Variants in FRMD4A observed in about 807,000 individuals in gnomAD.
The protein encoded by FRMD4A is FERM domain-containing protein 4A.
A neutral mutation model predicts 129.1 loss-of-function variants in FRMD4A; 29 were observed. The observed-to-expected ratio is 0.22, with a 90% CI of 0.17 to 0.31. FRMD4A has a LOEUF of 0.31. Ranked by LOEUF, FRMD4A falls within the 10% of genes least tolerant of loss-of-function variation. The pLI is 1.00. For synonymous variants in FRMD4A, 634 were observed against 571.6 expected (o/e 1.11, Z -1.56); for missense variants, 1,272 against 1,375.8 (o/e 0.92, Z 1.19).
chr10:14,052,369 A>C (rs2131688213), intron 2 of FRMD4A, among the ~76,000 whole-genome samples: 1 of 152,320 alleles, frequency 6.6e-6, no homozygotes, highest in African/African-American at 2.4e-5. Context: ...GGAGTACCTG[A>C]AGCTGGGTAA....
chr10:14,277,440 C>G (rs1845380753), intron 2 of FRMD4A, among the ~76,000 whole-genome samples: 1 of 152,164 alleles, frequency 6.6e-6, no homozygotes, highest in Admixed American at 6.5e-5. Context: ...CTGCCTCACC[C>G]CTTCCATCCT....
At position 13,809,963 on chromosome 10, in the gene FRMD4A, C is replaced by T. The variant is rs75518453; in HGVS notation, c.206+851G>A. Among the ~76,000 whole-genome samples, 494 of 152,340 alleles carry T rather than the reference C, an allele frequency of 3.2e-3. 5 individuals carry two copies. Among genetic ancestry groups the T allele is most frequent in the Admixed American group, 0.014 (220 of 15,300 alleles). The stretch of plus-strand genomic sequence containing the variant: ...CCCACCTGTTCTTGCTTCAGTGGCA[C>T]CACCTGATTCCCAGGGCCTCGGCTC... On this transcript the variant is annotated intron_variant, in intron 4 of 24. Transcript: ENST00000357447.
chr10:13,999,019 C>T (rs538605024), intron 2 of FRMD4A, among the ~76,000 whole-genome samples: 41 of 152,146 alleles, frequency 2.7e-4, no homozygotes, highest in Middle Eastern at 6.8e-3. Context: ...ACCCCCATCT[C>T]ACCCCTTCAC....
chr10:14,068,371 C>T (rs1440115901), intron 2 of FRMD4A, among the ~76,000 whole-genome samples: 1 of 152,118 alleles, frequency 6.6e-6, no homozygotes, highest in Non-Finnish European at 1.5e-5. Flanking sequence ...ATCAGATCCC[C>T]AATATATATT....
At chr10:13,729,178 A>G (rs1983885) in intron 12 of FRMD4A, among the ~76,000 whole-genome samples, 113,880 of 151,606 alleles carry the variant, frequency 0.75, 43,248 homozygotes, top group South Asian at 0.82. Context: ...GCGATCTGAA[A>G]GAATGATAAC....
chr10:13,886,874 A>G (rs1431202038), intron 2 of FRMD4A, among the ~76,000 whole-genome samples: 1 of 152,244 alleles, frequency 6.6e-6, no homozygotes, highest in African/African-American at 2.4e-5. Flanking sequence ...TAATGTAGTG[A>G]GTGTATGCAA....
intron 2 of FRMD4A, among the ~76,000 whole-genome samples, chr10:14,243,089 CAT>C (rs1844108389): frequency 1.3e-5 from 2 of 152,070 alleles, no homozygotes; most frequent in Non-Finnish European, 1.5e-5. Context: ...TACACACACA[CAT>C]GCTGGAATAT....
intron 3 of FRMD4A, 147 bp downstream of exon 3, chr10:13,858,700 C>T: frequency 1.5e-6 from 1 of 679,488 alleles, no homozygotes; most frequent in Non-Finnish European, 2.7e-6. Context: ...ACACAAAACA[C>T]CCTGGTGGGT....
chr10:14,298,176 GC>G (rs1589279731), intron 2 of FRMD4A, among the ~76,000 whole-genome samples: 1 of 152,094 alleles, frequency 6.6e-6, no homozygotes, highest in East Asian at 1.9e-4. Flanking sequence ...TTACTATCTG[GC>G]CCTTTGCAGA....
At chr10:14,324,828 T>C (rs1269756629) in intron 2 of FRMD4A, among the ~76,000 whole-genome samples, 1 of 152,110 alleles carries the variant, frequency 6.6e-6, no homozygotes, top group East Asian at 1.9e-4. Context: ...GCCTTGCTAA[T>C]TTTTGTATTT....
intron 8 of FRMD4A, among the ~76,000 whole-genome samples, chr10:13,750,045 A>AAAGGAAGGAAGGAAGG (rs60816536): frequency 1.7e-5 from 2 of 119,032 alleles, no homozygotes; most frequent in Admixed American, 9.3e-5. Flanking sequence ...GAGGGAAAGG[A>AAAGGAAGGAAGGAAGG]AAGGAAGGAA....
chr10:14,005,496 A>G (rs2095659071), intron 2 of FRMD4A, among the ~76,000 whole-genome samples: 1 of 152,226 alleles, frequency 6.6e-6, no homozygotes, highest in South Asian at 2.1e-4. Flanking sequence ...GCAGTTGGAT[A>G]CAGAAGCAAT....
Position 14,223,173 on chromosome 10 carries a change from C to T in FRMD4A, c.45+106885G>A, listed in dbSNP as rs1379544960. 2.0e-5 allele frequency among the ~76,000 whole-genome samples: 3 copies of T among 152,358 alleles called. No homozygotes were observed. In the East Asian group the frequency reaches 5.8e-4, roughly 29 times the overall value. On this transcript the variant is annotated intron_variant, in intron 2 of 24. Coordinates refer to ENST00000357447, the MANE Select transcript of FRMD4A (RefSeq NM_018027.5). ...AGTGATTCTCACCTCCCCTGAGATG[C>T]AGACTTCTAGGGTCCACATCTCCGG...
chr10:13,816,068 T>G (rs1310208178), intron 3 of FRMD4A, among the ~76,000 whole-genome samples: 1 of 152,228 alleles, frequency 6.6e-6, no homozygotes, highest in African/African-American at 2.4e-5. Context: ...AAATAAACTT[T>G]TTCAACAATT....
chr10:13,917,284 A>ATT (rs34360967), intron 2 of FRMD4A, among the ~76,000 whole-genome samples: 4,273 of 141,436 alleles, frequency 0.03, 122 homozygotes, highest in South Asian at 0.054. Flanking sequence ...TCCATCACAG[A>ATT]TTTTTTTTTT....
chr10:13,995,410 C>T (rs2095618898), intron 2 of FRMD4A, among the ~76,000 whole-genome samples: 1 of 152,168 alleles, frequency 6.6e-6, no homozygotes, highest in African/African-American at 2.4e-5. Flanking sequence ...CATAATGAAA[C>T]CCTGTCTCTA....
intron 17 of FRMD4A, 73 bp from the exon 18 acceptor site, chr10:13,666,398 G>A: frequency 9.5e-7 from 1 of 1,052,750 alleles, no homozygotes; most frequent in South Asian, 1.3e-5. Context: ...TCCCTCCCCT[G>A]TCCCAAGGCA....
intron 20 of FRMD4A, among the ~76,000 whole-genome samples, 187 bp from the exon 21 acceptor site, chr10:13,659,677 A>C (rs115187638): frequency 0.078 from 11,439 of 146,152 alleles, 1,265 homozygotes; most frequent in African/African-American, 0.25. Flanking sequence ...CCCCCCTCCC[A>C]ACCTAGGCAA....
intron 2 of FRMD4A, among the ~76,000 whole-genome samples, chr10:14,252,295 C>T (rs1253319179): frequency 1.3e-5 from 2 of 152,064 alleles, no homozygotes; most frequent in Non-Finnish European, 2.9e-5. Flanking sequence ...AACATATGAA[C>T]GTTGAAGCGA....
Sources: allele counts gnomAD v4.1 joint callset (sites outside exome capture counted in the v4.1 genomes callset), GRCh38; gene constraint gnomAD v4.1.1; transcripts MANE v1.5; gene names NCBI Gene and HGNC (gene_info 2026-07-23, HGNC 2026-07-21).